The following TEX29 variants were observed in gnomAD, a reference collection of about 807,000 sequenced individuals.
The protein encoded by TEX29 is testis expressed 29, also known as testis-expressed protein 29.
Under a neutral mutation model 18.2 loss-of-function variants are expected in TEX29, and 26 were observed. The observed-to-expected ratio is 1.43, with a 90% CI of 1.04 to 1.98. The LOEUF (loss-of-function observed/expected upper bound fraction) is 1.98, where lower values mean the gene tolerates loss of function less well. TEX29 is among the 30% of genes most tolerant of loss of function. The pLI is 0.00. For missense variants in TEX29, 177 were observed against 194.2 expected (o/e 0.91, Z 0.53); for synonymous variants, 83 against 78.5 (o/e 1.06, Z -0.31).
chr13:111,338,587 C>G (rs2093692774), intron 3 of TEX29, among the ~76,000 whole-genome samples: 1 of 152,144 alleles, frequency 6.6e-6, no homozygotes, highest in Non-Finnish European at 1.5e-5. Context: ...TGCTTCACGA[C>G]TTGGAAGCAG....
chr13:111,325,594 G>A (rs560902840), intron 2 of TEX29, among the ~76,000 whole-genome samples: 1 of 152,308 alleles, frequency 6.6e-6, no homozygotes, highest in East Asian at 1.9e-4. Context: ...GGAGGGTGGA[G>A]GGCCGGGCTA....
At chr13:111,320,990 G>GGGGCCCCCC in intron 2 of TEX29, 42 bp downstream of exon 2, 1 of 404,332 alleles carries the variant, frequency 2.5e-6, no homozygotes, top group Non-Finnish European at 4.5e-6. Flanking sequence ...GGGTGGGGGA[G>GGGGCCCCCC]CAGTTGGGGG....
chr13:111,334,595 CAG>C, intron 3 of TEX29, among the ~76,000 whole-genome samples: 1 of 152,262 alleles, frequency 6.6e-6, no homozygotes, highest in East Asian at 1.9e-4. Flanking sequence ...AGGAATGTGA[CAG>C]AGCATTTCAG....
At chr13:111,321,296 A>C (rs2093664152) in intron 2 of TEX29, among the ~76,000 whole-genome samples, 1 of 152,134 alleles carries the variant, frequency 6.6e-6, no homozygotes, top group Admixed American at 6.5e-5. Context: ...TGACTTTTTT[A>C]ATTAAGGAAA....
At chr13:111,327,839 C>T (rs908699286) in intron 2 of TEX29, among the ~76,000 whole-genome samples, 4 of 152,230 alleles carry the variant, frequency 2.6e-5, no homozygotes, top group Admixed American at 2.0e-4. Flanking sequence ...AATAATTACA[C>T]GTTCCCTCCC....
At chr13:111,331,139 T>A (rs993006233) in intron 3 of TEX29, among the ~76,000 whole-genome samples, 7 of 152,220 alleles carry the variant, frequency 4.6e-5, no homozygotes, top group Non-Finnish European at 8.8e-5. Context: ...TTTTGCAAGG[T>A]GGCTAGATCA....
chr13:111,335,353 T>C (rs1218157473), intron 3 of TEX29, among the ~76,000 whole-genome samples: 2 of 152,220 alleles, frequency 1.3e-5, no homozygotes, highest in Admixed American at 1.3e-4. Flanking sequence ...AGAGATCTTT[T>C]TGGGTTCCAG....
intron 4 of TEX29, among the ~76,000 whole-genome samples, chr13:111,342,003 G>A (rs1254019541): frequency 1.3e-5 from 2 of 152,204 alleles, no homozygotes; most frequent in East Asian, 1.9e-4. Flanking sequence ...TGTGGCCTGC[G>A]TCCTCATTGC....
At chr13:111,339,028 G>A (rs1268284708) in intron 3 of TEX29, among the ~76,000 whole-genome samples, 1 of 152,188 alleles carries the variant, frequency 6.6e-6, no homozygotes, top group Non-Finnish European at 1.5e-5. Flanking sequence ...TGAGCAGTGG[G>A]CAGTCTCTCA....
rs1567157003 is a variant in TEX29 at position 111,321,004 on chromosome 13, GCA to G, written c.58+59_58+60del. On this transcript the variant is annotated intron_variant, in intron 2 of 5. Transcript: ENST00000283547. ...GGGGTGGGGGAGCAGTTGGGGGGGGGCACAGGGAGGAGCTGTTTGAGCCCCTG... is the reference window on the plus strand; with the variant it reads ...GGGGTGGGGGAGCAGTTGGGGGGGGGCAGGGAGGAGCTGTTTGAGCCCCTG... 6.1e-5 allele frequency: 33 copies of G among 545,388 alleles called. No homozygotes were observed. In the East Asian group the frequency reaches 9.8e-4, roughly 16 times the overall value. 33.8% of individuals were successfully genotyped at this position (545,388 alleles called of 1,614,324 possible).
At chr13:111,320,989 A>T (rs1433982606) in intron 2 of TEX29, 41 bp downstream of exon 2, 13 of 258,886 alleles carry the variant, frequency 5.0e-5, no homozygotes, top group Admixed American at 7.5e-5. Flanking sequence ...GGGGTGGGGG[A>T]GCAGTTGGGG....
At chr13:111,317,881 C>T (rs1035649719), upstream of TEX29, among the ~76,000 whole-genome samples, 2 of 152,208 alleles carry the variant, frequency 1.3e-5, no homozygotes, top group South Asian at 2.1e-4. Context: ...CGGGCCTCTG[C>T]GCCTGCACTT....
intron 3 of TEX29, among the ~76,000 whole-genome samples, chr13:111,331,149 A>C (rs891425079): frequency 3.9e-5 from 6 of 152,132 alleles, no homozygotes; most frequent in African/African-American, 1.4e-4. Context: ...TGGCTAGATC[A>C]TTTTCCAGTC....
chr13:111,320,726 G>A lies in TEX29; in HGVS notation c.-71G>A, dbSNP rs1682820756. 1 of 770,768 alleles carries A rather than the reference G, an allele frequency of 1.3e-6. No homozygotes were observed. Among genetic ancestry groups the A allele is most frequent in the Non-Finnish European group, 2.3e-6 (1 of 437,596 alleles). 47.7% of individuals were successfully genotyped at this position (770,768 alleles called of 1,614,324 possible). ...ACGTGGAGTGGGACTGAGAGGCACA[G>A]GTGGCTGAGGGGACCCGCCTGGGAT... On this transcript the variant is annotated 5_prime_UTR_variant, in exon 1 of 6. Coordinates refer to ENST00000283547, the MANE Select transcript of TEX29 (RefSeq NM_152324.3).
intron 2 of TEX29, 32 bp downstream of exon 2, chr13:111,320,980 G>C: frequency 3.3e-6 from 4 of 1,218,704 alleles, no homozygotes; most frequent in Non-Finnish European, 4.6e-6. Flanking sequence ...GGGGCGGGTG[G>C]GGTGGGGGAG....
chr13:111,337,377 A>G (rs74126346), intron 3 of TEX29, among the ~76,000 whole-genome samples: 2,332 of 152,202 alleles, frequency 0.015, 36 homozygotes, highest in South Asian at 0.034. Context: ...TTGATACCAG[A>G]TGTTATAGGA....
chr13:111,335,087 C>T (rs1278979386), intron 3 of TEX29, among the ~76,000 whole-genome samples: 1 of 152,182 alleles, frequency 6.6e-6, no homozygotes, highest in Non-Finnish European at 1.5e-5. Context: ...GAAAAACTTT[C>T]CTCTGGTGAT....
At chr13:111,343,594 C>T (rs2093700254) in intron 5 of TEX29, among the ~76,000 whole-genome samples, 1 of 152,178 alleles carries the variant, frequency 6.6e-6, no homozygotes, top group Non-Finnish European at 1.5e-5. Flanking sequence ...GTTGCTTTTC[C>T]TAGATCAGCA....
At chr13:111,328,915 CGCGCCCTTCAGAGGACCATGGCTAGTTG>C (rs2093678528) in intron 3 of TEX29, among the ~76,000 whole-genome samples, 1 of 152,172 alleles carries the variant, frequency 6.6e-6, no homozygotes, top group Non-Finnish European at 1.5e-5. Context: ...CGGAGGGAGG[CGCGCCCTTCAGAGGACCATGGCTAGTTG>C]TAAAATGTGT....
Sources: allele counts gnomAD v4.1 joint callset (sites outside exome capture counted in the v4.1 genomes callset), GRCh38; gene constraint gnomAD v4.1.1; transcripts MANE v1.5; gene names NCBI Gene and HGNC (gene_info 2026-07-23, HGNC 2026-07-21).